The following POLR3F variants were observed in gnomAD, a reference collection of about 807,000 sequenced individuals.
POLR3F encodes the protein RNA polymerase III subunit F, also known as DNA-directed RNA polymerase III subunit RPC6.
In POLR3F, 31 loss-of-function variants were observed where a neutral mutation model predicts 43.6. The observed-to-expected ratio is 0.71, with a 90% CI of 0.53 to 0.96. The LOEUF is 0.96. Among genes scored for constraint, POLR3F ranks in the 40% least tolerant of loss-of-function variants. POLR3F has a pLI of 0.00. For missense variants in POLR3F, 316 were observed against 391.7 expected (o/e 0.81, Z 1.63); for synonymous variants, 114 against 132.5 (o/e 0.86, Z 0.96).
chr20:18,479,595 CAAAGCTTCCAGTGTGGGAA>C, intron 5 of POLR3F, among the ~76,000 whole-genome samples: 1 of 152,154 alleles, frequency 6.6e-6, no homozygotes, highest in African/African-American at 2.4e-5. Flanking sequence ...CAAAGCATTC[CAAAGCTTCCAGTGTGGGAA>C]TAACAATGAA....
chr20:18,467,430 TGGTTCCCCG>T lies in POLR3F; in HGVS notation c.-66_-58del. ...GCCTCAGCAGAGCGCTATCCTCCAC[TGGTTCCCCG>T]GGTTCCCCGGCTTGCTACCGGGCTG... On this transcript the variant is annotated 5_prime_UTR_variant, in exon 1 of 9. Coordinates refer to ENST00000377603, the MANE Select transcript of POLR3F (RefSeq NM_006466.4). 6.6e-7 allele frequency: 1 copy of T among 1,522,780 alleles called. No individual in the cohort carries two copies. Among genetic ancestry groups the T allele is most frequent in the Non-Finnish European group, 9.1e-7 (1 of 1,097,502 alleles). 94.3% of individuals were successfully genotyped at this position (1,522,780 alleles called of 1,614,324 possible).
At chr20:18,471,248 G>A (rs552136999) in intron 2 of POLR3F, among the ~76,000 whole-genome samples, 23 of 152,254 alleles carry the variant, frequency 1.5e-4, no homozygotes, top group African/African-American at 4.6e-4. Flanking sequence ...ATGCTGTTTC[G>A]TGCCACAGGA....
At position 18,474,900 on chromosome 20, in the gene POLR3F, A is replaced by T. The variant is rs7269669; in HGVS notation, c.317-175A>T. 5.6e-3 allele frequency among the ~76,000 whole-genome samples: 848 copies of T among 152,324 alleles called. 13 individuals carry two copies. The highest frequency in any genetic ancestry group is 0.019 in the African/African-American group (803 of 41,562). ...GTTAGAAATTATAAATCATTATAAT[A>T]AGTCTTACAAAGCATTATACTTATT... On this transcript the variant is annotated intron_variant, in intron 4 of 8. Transcript: ENST00000377603.
intron 2 of POLR3F, 67 bp from the exon 3 acceptor site, chr20:18,472,775 A>C: frequency 1.3e-6 from 1 of 740,832 alleles, no homozygotes. Flanking sequence ...ATGCATCAAC[A>C]TTTGTCATTT....
chr20:18,479,693 G>C (rs747643016), intron 5 of POLR3F, among the ~76,000 whole-genome samples: 15 of 152,184 alleles, frequency 9.9e-5, no homozygotes, highest in Admixed American at 3.9e-4. Context: ...TACGGTGTTT[G>C]AGAAACTGTC....
intron 2 of POLR3F, among the ~76,000 whole-genome samples, chr20:18,471,357 CCCCCCCAGGTTG>C (rs1485167085): frequency 6.6e-6 from 1 of 152,026 alleles, no homozygotes; most frequent in Non-Finnish European, 1.5e-5. Flanking sequence ...AGTCACTGAA[CCCCCCCAGGTTG>C]GGCCGCAGCC....
chr20:18,480,133 A>T lies in POLR3F; in HGVS notation c.525A>T (p.Glu175Asp). ...AWYSDQDFES[E>D]FVEVLNQQCF... is the part of the protein sequence containing the mutation. ...ACAGTGACCAGGATTTTGAATCTGA[A>T]TTTGTAGAGGTGCTTAACCAACAGT... Residue 175 changes from glutamate (E) to aspartate (D), a missense_variant, in exon 6 of 9, where the codon GAA becomes GAT. Glu to Asp is a conservative substitution (Grantham distance 45). Around this residue, in one of 3 missense-constraint regions of POLR3F, gnomAD observed 109 missense variants for 177.7 expected, o/e 0.61. Transcript: ENST00000377603. 1 of 1,612,844 alleles carries T rather than the reference A, an allele frequency of 6.2e-7. No individual in the cohort carries two copies. Among genetic ancestry groups the T allele is most frequent in the Non-Finnish European group, 8.5e-7 (1 of 1,178,996 alleles).
intron 3 of POLR3F, 40 bp from the exon 4 acceptor site, chr20:18,473,351 A>G (rs778538045): frequency 3.5e-6 from 3 of 848,660 alleles, no homozygotes; most frequent in East Asian, 4.9e-5. Flanking sequence ...AGATTATCCT[A>G]TAGTCCTTAC....
chr20:18,474,798 A>G (rs531942811), intron 4 of POLR3F, among the ~76,000 whole-genome samples: 9 of 152,340 alleles, frequency 5.9e-5, no homozygotes, highest in Admixed American at 2.6e-4. Context: ...CTGGGATTAC[A>G]GGCATGAGCC....
At chr20:18,478,524 A>G (rs940902048) in intron 5 of POLR3F, among the ~76,000 whole-genome samples, 1 of 152,058 alleles carries the variant, frequency 6.6e-6, no homozygotes, top group African/African-American at 2.4e-5. Context: ...CAAATTCTTC[A>G]TGTTTACAAC....
chr20:18,481,769 C>T lies in POLR3F; in HGVS notation c.832C>T (p.Pro278Ser), dbSNP rs4814752. 1.5e-3 allele frequency: 2,393 copies of T among 1,613,702 alleles called. 52 individuals carry two copies. In the Admixed American group the frequency reaches 0.034, roughly 23 times the overall value. ...GTACAGGGCAGTCAATCCAATCATC[C>T]CTCCCACAGGTTTGGTCCGGGCACC... Reference protein sequence around the residue: ...KLYRAVNPIIPPTGLVRAPCG... With the variant: ...KLYRAVNPIISPTGLVRAPCG... Residue 278 changes from proline (P) to serine (S), a missense_variant, in exon 8 of 9, where the codon CCT becomes TCT. Transcript: ENST00000377603.
At chr20:18,480,545 ATTCT>A (rs775874269) in intron 7 of POLR3F, 36 bp downstream of exon 7, 2 of 1,213,626 alleles carry the variant, frequency 1.6e-6, no homozygotes, top group Middle Eastern at 1.9e-4. Context: ...TTTAAAACTT[ATTCT>A]TTGTCACATA....
Position 18,483,527 on chromosome 20 carries a change from G to A in POLR3F, c.920G>A (p.Cys307Tyr), listed in dbSNP as rs1288179454. Residue 307 changes from cysteine (C) to tyrosine (Y), a missense_variant, in exon 9 of 9, where the codon TGT becomes TAT. Coordinates refer to ENST00000377603, the MANE Select transcript of POLR3F (RefSeq NM_006466.4). ...GGTGGTGAGATTTCACCATCTAACTGTATTTACATGACAGAGTGGCTCGAA... is the reference window on the plus strand; with the variant it reads ...GGTGGTGAGATTTCACCATCTAACTATATTTACATGACAGAGTGGCTCGAA... ...HEGGEISPSNCIYMTEWLEF is the reference protein window; with the variant it reads ...HEGGEISPSNYIYMTEWLEF The A allele has an allele frequency of 2.6e-6, 4 of 1,534,008 alleles. No individual in the cohort carries two copies. Among genetic ancestry groups the A allele is most frequent in the Admixed American group, 1.9e-5 (1 of 52,028 alleles).
In POLR3F at chr20:18,472,825, AC is replaced by A; in HGVS notation, c.181-16del. 1 of 1,191,526 alleles carries A rather than the reference AC, an allele frequency of 8.4e-7. No homozygotes were observed. The highest frequency in any genetic ancestry group is 1.2e-6 in the Non-Finnish European group (1 of 831,960). The allele number at this position is 1,191,526 out of a possible 1,614,324, so 73.8% of individuals were successfully genotyped here. The stretch of plus-strand genomic sequence containing the variant: ...CCAAAATAACTGACTCCTGTTTTCT[AC>A]TGTCTTAAAAACTAGGGTCAGTTGG... On this transcript the variant is annotated splice_polypyrimidine_tract_variant and intron_variant, in intron 2 of 8. Coordinates refer to ENST00000377603, the MANE Select transcript of POLR3F (RefSeq NM_006466.4).
Position 18,480,097 on chromosome 20 carries a change from TGGAG to T in POLR3F, c.490_493del (p.Gly164ProfsTer13). The stretch of plus-strand genomic sequence containing the variant: ...TGCAGCCAGACCGGTCTGTGACTGG[TGGAG>T]CCTGGTACAGTGACCAGGATTTTGA... On this transcript the variant is annotated frameshift_variant, in exon 6 of 9. Transcript: ENST00000377603. LOFTEE classifies it high-confidence loss of function. 1 of 1,611,038 alleles carries T rather than the reference TGGAG, an allele frequency of 6.2e-7. No homozygotes were observed. Among genetic ancestry groups the T allele is most frequent in the Non-Finnish European group, 8.5e-7 (1 of 1,177,372 alleles).
In POLR3F at chr20:18,483,888, G is replaced by A. The variant is rs947155312; in HGVS notation, c.*330G>A. ...CATACCCGTATTTACCAAGTACTAT[G>A]ATAATGGCTAGAGTATAAAAATGTT... On this transcript the variant is annotated 3_prime_UTR_variant, in exon 9 of 9. Coordinates refer to ENST00000377603, the MANE Select transcript of POLR3F (RefSeq NM_006466.4). 3 of 393,556 alleles carry A rather than the reference G, an allele frequency of 7.6e-6. No homozygotes were observed. The highest frequency in any genetic ancestry group is 4.4e-5 in the Admixed American group (1 of 22,610). The allele number at this position is 393,556 out of a possible 1,614,324, so 24.4% of individuals were successfully genotyped here. A position where few individuals can be genotyped will look rare whatever the true frequency, so the allele number is the denominator to read the frequency against.
intron 7 of POLR3F, 82 bp downstream of exon 7, chr20:18,480,591 T>C (rs1391624321): frequency 2.7e-6 from 2 of 731,936 alleles, no homozygotes; most frequent in African/African-American, 6.0e-5. Context: ...TTGACCCACA[T>C]TGTTTTTTTT....
Position 18,481,619 on chromosome 20 carries a change from G to T in POLR3F, c.682G>T (p.Val228Leu). ...KYICELGISK[V>L]ELSMEDIETI... ...CCTTTCTGATGTATCCCTTTTTTAG[G>T]TAGAGTTATCCATGGAAGACATTGA... Residue 228 changes from valine (V) to leucine (L), a missense_variant and splice_region_variant, in exon 8 of 9, where the codon GTA becomes TTA. Coordinates refer to ENST00000377603, the MANE Select transcript of POLR3F (RefSeq NM_006466.4). The T allele has an allele frequency of 1.9e-6, 3 of 1,594,570 alleles. No homozygotes were observed. The highest frequency in any genetic ancestry group is 2.6e-6 in the Non-Finnish European group (3 of 1,162,468).
At chr20:18,476,060 TG>T (rs1413588496) in intron 5 of POLR3F, among the ~76,000 whole-genome samples, 12 of 152,250 alleles carry the variant, frequency 7.9e-5, no homozygotes, top group Non-Finnish European at 1.8e-4. Context: ...TACATCTTTA[TG>T]TTTAATAACA....
Sources: allele counts gnomAD v4.1 joint callset (sites outside exome capture counted in the v4.1 genomes callset), GRCh38; gene constraint gnomAD v4.1.1; regional missense constraint gnomAD v4.1.1; transcripts MANE v1.5; gene names NCBI Gene and HGNC (gene_info 2026-07-23, HGNC 2026-07-21).